Variants in HTR4 observed in about 807,000 individuals in gnomAD.
HTR4 encodes 5-hydroxytryptamine receptor 4.
In HTR4, 16 loss-of-function variants were observed where a neutral mutation model predicts 36.8. That is an observed-to-expected ratio of 0.43 (90% confidence interval 0.29 to 0.66). The LOEUF (loss-of-function observed/expected upper bound fraction) is 0.66. Among genes scored for constraint, HTR4 ranks in the 30% least tolerant of loss-of-function variants. The pLI, the probability that HTR4 is intolerant of heterozygous loss-of-function variation, is 0.13. For missense variants in HTR4, 438 were observed against 490.9 expected, an observed-to-expected ratio of 0.89 and a Z score of 1.02; for synonymous variants, 189 against 185.1, an observed-to-expected ratio of 1.02 and a Z score of -0.17.
At chr5:148,530,699 C>G (rs896209642) in intron 4 of HTR4, among the ~76,000 whole-genome samples, 1 of 152,294 alleles carries the variant, frequency 6.6e-6, no homozygotes. Flanking sequence ...GCCAGCATCC[C>G]CAGACCCCAG....
chr5:148,534,926 C>T lies in HTR4; in HGVS notation c.354-11580G>A, dbSNP rs549445564. 5.3e-5 allele frequency among the ~76,000 whole-genome samples: 8 copies of T among 152,128 alleles called. No individual in the cohort carries two copies. The East Asian group carries it at 1.5e-3, about 29-fold the overall frequency. Reference sequence around the variant, plus strand: ...ATTGCCCCAGAGCTACAGTCAGCAGCCCAGGAGTTCCAAGCCATGATCTGC... The same window carrying T: ...ATTGCCCCAGAGCTACAGTCAGCAGTCCAGGAGTTCCAAGCCATGATCTGC... On this transcript the variant is annotated intron_variant, in intron 4 of 6. Coordinates refer to ENST00000377888, the MANE Select transcript of HTR4 (RefSeq NM_000870.7).
At chr5:148,491,565 A>G (rs1408996316) in intron 6 of HTR4, among the ~76,000 whole-genome samples, 1 of 152,050 alleles carries the variant, frequency 6.6e-6, no homozygotes, top group Admixed American at 6.6e-5. Flanking sequence ...TTGTCGGATG[A>G]TTAGCAGCGT....
At chr5:148,531,960 G>A (rs1026624492) in intron 4 of HTR4, among the ~76,000 whole-genome samples, 3 of 152,090 alleles carry the variant, frequency 2.0e-5, no homozygotes, top group Non-Finnish European at 2.9e-5. Context: ...GCATCCAGTG[G>A]GTAGAGGTCA....
chr5:148,488,829 G>T (rs953600317), intron 6 of HTR4, among the ~76,000 whole-genome samples: 1 of 152,116 alleles, frequency 6.6e-6, no homozygotes, highest in African/African-American at 2.4e-5. Flanking sequence ...ATTCCCAAGG[G>T]CCCTTTAATC....
chr5:148,602,754 A>C (rs1762043771), intron 2 of HTR4, among the ~76,000 whole-genome samples: 1 of 152,184 alleles, frequency 6.6e-6, no homozygotes, highest in Non-Finnish European at 1.5e-5. Context: ...CTTATTAAAA[A>C]ATGTTTAAAG....
chr5:148,645,228 C>T (rs1753846537), intron 1 of HTR4: 1 of 152,074 alleles, frequency 6.6e-6, no homozygotes, highest in Non-Finnish European at 1.5e-5. Context: ...CTGTAAATGG[C>T]TATTTACCAA....
intron 2 of HTR4, among the ~76,000 whole-genome samples, chr5:148,619,669 G>A (rs569834662): frequency 6.6e-6 from 1 of 152,256 alleles, no homozygotes; most frequent in South Asian, 2.1e-4. Context: ...AAACACGACT[G>A]AAAATCCACA....
At chr5:148,610,057 C>A (rs1235425165) in intron 2 of HTR4, among the ~76,000 whole-genome samples, 1 of 152,180 alleles carries the variant, frequency 6.6e-6, no homozygotes. Context: ...GAAGCCAGGG[C>A]ATTTCAGAAC....
chr5:148,548,367 G>A (rs923952683), intron 4 of HTR4, among the ~76,000 whole-genome samples: 2 of 152,162 alleles, frequency 1.3e-5, no homozygotes, highest in Non-Finnish European at 2.9e-5. Context: ...CATGCCATCA[G>A]TATAAAATTT....
chr5:148,602,168 T>A (rs1401567650), intron 2 of HTR4, among the ~76,000 whole-genome samples: 1 of 151,972 alleles, frequency 6.6e-6, no homozygotes, highest in Non-Finnish European at 1.5e-5. Context: ...ATAAATCGGG[T>A]TGGGGAAAAG....
intron 1 of HTR4, among the ~76,000 whole-genome samples, chr5:148,652,972 G>C (rs1007313095): frequency 2.0e-5 from 3 of 152,056 alleles, no homozygotes; most frequent in South Asian, 2.1e-4. Context: ...CTCTTTCCTT[G>C]TTTTCAGGGC....
At chr5:148,473,764 C>T (rs1038202699), downstream of HTR4, among the ~76,000 whole-genome samples, 1 of 152,066 alleles carries the variant, frequency 6.6e-6, no homozygotes, top group African/African-American at 2.4e-5. Context: ...AGCTGAGACC[C>T]AGAAGGTAAG....
chr5:148,643,712 G>T (rs2127314111), intron 1 of HTR4, among the ~76,000 whole-genome samples: 1 of 152,294 alleles, frequency 6.6e-6, no homozygotes, highest in East Asian at 1.9e-4. Context: ...AATTAGCTTT[G>T]TCTTTGTGGC....
intron 2 of HTR4, among the ~76,000 whole-genome samples, chr5:148,557,220 G>C (rs754446699): frequency 1.3e-5 from 2 of 152,136 alleles, no homozygotes; most frequent in Non-Finnish European, 2.9e-5. Flanking sequence ...AGGAGTCCAG[G>C]TAAAAGAAGA....
chr5:148,585,012 T>C (rs779141293), intron 2 of HTR4, among the ~76,000 whole-genome samples: 1 of 152,120 alleles, frequency 6.6e-6, no homozygotes, highest in Non-Finnish European at 1.5e-5. Context: ...GAAAGCAACA[T>C]GGTATAGAAC....
intron 2 of HTR4, among the ~76,000 whole-genome samples, chr5:148,556,302 G>A (rs1759950014): frequency 2.0e-5 from 3 of 152,158 alleles, no homozygotes; most frequent in Non-Finnish European, 4.4e-5. Flanking sequence ...GGGATTACAG[G>A]CATGAGCCAC....
chr5:148,585,686 G>A (rs1214307740), intron 2 of HTR4, among the ~76,000 whole-genome samples: 1 of 152,192 alleles, frequency 6.6e-6, no homozygotes, highest in Non-Finnish European at 1.5e-5. Flanking sequence ...AGATGTTGGA[G>A]TAAAATTCAA....
chr5:148,517,507 C>T (rs1250196158), intron 5 of HTR4, among the ~76,000 whole-genome samples: 1 of 152,108 alleles, frequency 6.6e-6, no homozygotes, highest in Admixed American at 6.6e-5. Flanking sequence ...TCTCCACACC[C>T]TATAAACTTA....
At chr5:148,576,786 G>A (rs116452969) in intron 2 of HTR4, among the ~76,000 whole-genome samples, 404 of 152,230 alleles carry the variant, frequency 2.7e-3, no homozygotes, top group African/African-American at 9.5e-3. Flanking sequence ...ATTGAAGCTG[G>A]ACTGCTTTCT....
Sources: gnomAD v4.1 joint callset for allele counts (sites outside exome capture counted in the v4.1 genomes callset) on GRCh38, gnomAD v4.1.1 for gene constraint, MANE v1.5 for transcripts, NCBI Gene and HGNC (gene_info 2026-07-23, HGNC 2026-07-21) for gene names.